Variants in PIWIL3 observed in about 807,000 individuals in gnomAD.
PIWIL3 encodes piwi-like protein 3.
PIWIL3 carries 101 observed loss-of-function variants against 109.7 expected under a neutral mutation model. The ratio of observed to expected loss-of-function variants is 0.92; its 90% CI spans 0.78 to 1.09. The LOEUF is 1.09. Among genes scored for constraint, PIWIL3 ranks in the 50% least tolerant of loss-of-function variants. PIWIL3 has a pLI of 0.00. For synonymous variants in PIWIL3, 373 were observed against 376.4 expected (o/e 0.99, Z 0.10); for missense variants, 1,031 against 1,072.6 (o/e 0.96, Z 0.54).
intron 4 of PIWIL3, 66 bp from the exon 5 acceptor site, chr22:24,756,771 C>T (rs1173752922): frequency 7.2e-7 from 1 of 1,386,168 alleles, no homozygotes; most frequent in Non-Finnish European, 1.0e-6. Flanking sequence ...ACAGTTTGGA[C>T]ACTACAATAT....
At chr22:24,771,885 G>A (rs1008349443) in intron 1 of PIWIL3, among the ~76,000 whole-genome samples, 9 of 152,026 alleles carry the variant, frequency 5.9e-5, no homozygotes, top group African/African-American at 2.2e-4. Context: ...TAGTAGAGAC[G>A]GGGTTTCACC....
intron 18 of PIWIL3, among the ~76,000 whole-genome samples, chr22:24,724,620 A>T (rs1480321749): frequency 6.6e-6 from 1 of 152,024 alleles, no homozygotes; most frequent in African/African-American, 2.4e-5. Flanking sequence ...TATTTTTAGT[A>T]GAGACGGGGT....
chr22:24,744,174 GA>G (rs1924176196), intron 12 of PIWIL3, among the ~76,000 whole-genome samples: 1 of 6,074 alleles, frequency 1.6e-4, no homozygotes, highest in Non-Finnish European at 2.4e-4. Context: ...AAGAGTGACC[GA>G]ATTAAAAAAA....
chr22:24,765,000 C>CT (rs1466852787), intron 1 of PIWIL3, among the ~76,000 whole-genome samples: 2 of 152,108 alleles, frequency 1.3e-5, no homozygotes, highest in East Asian at 3.8e-4. Flanking sequence ...AAAGATAAAC[C>CT]TGGAGATAAT....
At chr22:24,750,332 C>T (rs900578558) in intron 9 of PIWIL3, among the ~76,000 whole-genome samples, 3 of 152,200 alleles carry the variant, frequency 2.0e-5, no homozygotes, top group Non-Finnish European at 2.9e-5. Context: ...ACAGTGAACA[C>T]TCAGATTGAG....
Position 24,735,785 on chromosome 22 carries a change from G to A in PIWIL3, c.1557C>T (p.His519=). ...GACCCTTTAAGGACATGGCTTCTCTGTGACTGCTCCTGCTATAGAGTATGA... is the reference window on the plus strand; with the variant it reads ...GACCCTTTAAGGACATGGCTTCTCTATGACTGCTCCTGCTATAGAGTATGA... ...SWLILYSRSS[H]REAMSLKGHL... is the part of the protein sequence containing the mutation. The change falls in exon 13 of 21, where the codon CAC becomes CAT. Residue 519 remains histidine (H), a synonymous_variant. Coordinates refer to ENST00000616349, the MANE Select transcript of PIWIL3 (RefSeq NM_001255975.1). The A allele has an allele frequency of 6.2e-7, 1 of 1,614,054 alleles. No individual in the cohort carries two copies. The highest frequency in any genetic ancestry group is 8.5e-7 in the Non-Finnish European group (1 of 1,179,932).
At position 24,774,650 on chromosome 22, in the gene PIWIL3, A is replaced by G. The variant is rs1926321878; in HGVS notation, c.-351T>C. 1 of 151,748 alleles carries G rather than the reference A, an allele frequency of 6.6e-6. No individual in the cohort carries two copies. Among genetic ancestry groups the G allele is most frequent in the Non-Finnish European group, 1.5e-5 (1 of 68,060 alleles). 9.4% of individuals were successfully genotyped at this position (151,748 alleles called of 1,614,324 possible). A position where few individuals can be genotyped will look rare whatever the true frequency, so the allele number is the denominator to read the frequency against. Reference sequence around the variant, plus strand: ...GTGAAACCCTATCTCTACTAAAAATACAAAAAATTAGCCGGGCGTGGTGGC... The same window carrying G: ...GTGAAACCCTATCTCTACTAAAAATGCAAAAAATTAGCCGGGCGTGGTGGC... On this transcript the variant is annotated 5_prime_UTR_variant, in exon 1 of 21. Transcript: ENST00000616349.
At chr22:24,742,819 C>T (rs1288459403) in intron 12 of PIWIL3, among the ~76,000 whole-genome samples, 1 of 152,138 alleles carries the variant, frequency 6.6e-6, no homozygotes, top group Non-Finnish European at 1.5e-5. Flanking sequence ...TCAGAAAAAC[C>T]CTTCTAGACA....
Position 24,756,473 on chromosome 22 carries a change from G to A in PIWIL3, c.570+18C>T. 6.3e-7 allele frequency: 1 copy of A among 1,597,134 alleles called. No individual in the cohort carries two copies. The highest frequency in any genetic ancestry group is 8.6e-7 in the Non-Finnish European group (1 of 1,166,828). On this transcript the variant is annotated intron_variant, in intron 5 of 20. Coordinates refer to ENST00000616349, the MANE Select transcript of PIWIL3 (RefSeq NM_001255975.1). Reference sequence around the variant, plus strand: ...CAAGAGAAAGAACACAGGAAAATGTGAAACAACATTACTTAACCCGCTCTT... The same window carrying A: ...CAAGAGAAAGAACACAGGAAAATGTAAAACAACATTACTTAACCCGCTCTT...
At chr22:24,762,115 C>T (rs1160424267) in intron 2 of PIWIL3, among the ~76,000 whole-genome samples, 1 of 152,218 alleles carries the variant, frequency 6.6e-6, no homozygotes, top group African/African-American at 2.4e-5. Context: ...AAAGAGGAGT[C>T]ATTGGCTGAA....
intron 1 of PIWIL3, among the ~76,000 whole-genome samples, chr22:24,770,867 AAG>A: frequency 6.6e-6 from 1 of 151,700 alleles, no homozygotes; most frequent in Non-Finnish European, 1.5e-5. Context: ...AATAAAAAGA[AAG>A]AAAGAAAAAT....
intron 12 of PIWIL3, 90 bp downstream of exon 12, chr22:24,748,817 C>CGTA: frequency 1.1e-6 from 1 of 948,722 alleles, no homozygotes; most frequent in Non-Finnish European, 1.6e-6. Flanking sequence ...GAACAGCAGT[C>CGTA]GTAGTCATTA....
chr22:24,749,685 A>C lies in PIWIL3; in HGVS notation c.1216+8T>G, dbSNP rs762323020. 12 of 1,614,064 alleles carry C rather than the reference A, an allele frequency of 7.4e-6. No individual in the cohort carries two copies. The highest frequency in any genetic ancestry group is 1.0e-5 in the Non-Finnish European group (12 of 1,180,038). The stretch of plus-strand genomic sequence containing the variant: ...TGACTTTAAAGAGGGGCTGTAATCC[A>C]TCAGTACCTGTCATGTGGCACAGCT... On this transcript the variant is annotated splice_region_variant and intron_variant, in intron 10 of 20. Transcript: ENST00000616349.
chr22:24,724,837 G>T (rs1043423112), intron 18 of PIWIL3, 50 bp downstream of exon 18: 2 of 1,568,630 alleles, frequency 1.3e-6, no homozygotes, highest in Non-Finnish European at 1.7e-6. Flanking sequence ...CTTCCAAAGT[G>T]CTGGGATTAC....
chr22:24,726,827 G>T (rs1353838108), intron 16 of PIWIL3, among the ~76,000 whole-genome samples: 1 of 152,144 alleles, frequency 6.6e-6, no homozygotes, highest in African/African-American at 2.4e-5. Context: ...TTCCTTTAAA[G>T]ATATTCCTGA....
chr22:24,750,339 T>A (rs1924626631), intron 9 of PIWIL3, among the ~76,000 whole-genome samples: 1 of 152,174 alleles, frequency 6.6e-6, no homozygotes, highest in Non-Finnish European at 1.5e-5. Context: ...ACACTCAGAT[T>A]GAGGAATCCA....
intron 12 of PIWIL3, among the ~76,000 whole-genome samples, chr22:24,738,925 G>A (rs899006199): frequency 5.9e-5 from 9 of 151,788 alleles, no homozygotes; most frequent in African/African-American, 9.7e-5. Flanking sequence ...GTGACCTTTC[G>A]GACAACTCAA....
At position 24,756,648 on chromosome 22, in the gene PIWIL3, G is replaced by C; in HGVS notation, c.413C>G (p.Pro138Arg). The C allele has an allele frequency of 6.2e-7, 1 of 1,614,118 alleles. No individual in the cohort carries two copies. Among genetic ancestry groups the C allele is most frequent in the Non-Finnish European group, 8.5e-7 (1 of 1,180,000 alleles). The change falls in exon 5 of 21, where the codon CCT (proline) becomes CGT (arginine). Residue 138 changes from proline (P) to arginine (R), a missense_variant. Coordinates refer to ENST00000616349, the MANE Select transcript of PIWIL3 (RefSeq NM_001255975.1). Reference sequence around the variant, plus strand: ...GTTGTATTTATATGCAACCCACTGAGGACGAGATATCACTCGGAAGTGGTT... The same window carrying C: ...GTTGTATTTATATGCAACCCACTGACGACGAGATATCACTCGGAAGTGGTT... ...LANHFRVISR[P>R]QWVAYKYNVD...
chr22:24,756,744 G>T, intron 4 of PIWIL3, 39 bp from the exon 5 acceptor site: 2 of 1,532,190 alleles, frequency 1.3e-6, no homozygotes, highest in African/African-American at 1.4e-5. Flanking sequence ...GAAACAGACT[G>T]ATTGGGCCCA....
Sources: gnomAD v4.1 joint callset for allele counts (sites outside exome capture counted in the v4.1 genomes callset) on GRCh38, gnomAD v4.1.1 for gene constraint, MANE v1.5 for transcripts, NCBI Gene and HGNC (gene_info 2026-07-23, HGNC 2026-07-21) for gene names.